The following SEC14L3 variants were observed in gnomAD, a reference collection of about 807,000 sequenced individuals.
SEC14L3 encodes SEC14-like protein 3.
SEC14L3 carries 56 observed loss-of-function variants against 57.4 expected under a neutral mutation model. The observed-to-expected ratio is 0.97, with a 90% CI of 0.79 to 1.22. The LOEUF is 1.22. Ranked by LOEUF, SEC14L3 falls within the 50% of genes most tolerant of loss-of-function variation. The probability of loss-of-function intolerance (pLI) is 0.00; values close to 1 mark genes in which losing one functional copy is unlikely to be tolerated. For missense variants in SEC14L3, 485 were observed against 511.7 expected (o/e 0.95, Z 0.50); for synonymous variants, 173 against 194.4 (o/e 0.89, Z 0.92).
intron 8 of SEC14L3, among the ~76,000 whole-genome samples, chr22:30,463,375 G>C (rs776436268): frequency 6.6e-6 from 1 of 152,212 alleles, no homozygotes; most frequent in Non-Finnish European, 1.5e-5. Flanking sequence ...GCCATGGGAG[G>C]TTCCTTCTCT....
intron 4 of SEC14L3, among the ~76,000 whole-genome samples, chr22:30,469,625 G>C (rs577618312): frequency 9.2e-5 from 14 of 152,190 alleles, no homozygotes; most frequent in Admixed American, 2.0e-4. Context: ...AATGCCTTAG[G>C]GGGCAGGGGT....
At chr22:30,469,755 G>T (rs1170600718) in intron 4 of SEC14L3, among the ~76,000 whole-genome samples, 1 of 152,234 alleles carries the variant, frequency 6.6e-6, no homozygotes, top group East Asian at 1.9e-4. Flanking sequence ...CCTAATTTTT[G>T]CTGGGCTTCA....
intron 1 of SEC14L3, chr22:30,471,266 C>T: frequency 2.2e-6 from 1 of 454,964 alleles, no homozygotes; most frequent in Admixed American, 2.4e-5. Context: ...GCCTGGATGA[C>T]AGAGACTCCA....
intron 8 of SEC14L3, among the ~76,000 whole-genome samples, chr22:30,462,522 T>G (rs1452148336): frequency 6.6e-6 from 1 of 152,112 alleles, no homozygotes; most frequent in Non-Finnish European, 1.5e-5. Context: ...TCCTCCCACC[T>G]CAGCCTCCTG....
Position 30,464,829 on chromosome 22 carries a change from C to G in SEC14L3, c.655G>C (p.Val219Leu), listed in dbSNP as rs966405402. 1.9e-6 allele frequency: 3 copies of G among 1,613,688 alleles called. No homozygotes were observed. Among genetic ancestry groups the G allele is most frequent in the Non-Finnish European group, 2.5e-6 (3 of 1,179,728 alleles). ...LSEDTRRKII[V>L]LGNNWKEGLL... ...AGCTGGCACTACTTACTTCCCAACA[C>G]AATAATTTTCCTGCGAGTGTCCTCA... Residue 219 changes from valine (V) to leucine (L), a missense_variant, in exon 8 of 12, where the codon GTG becomes CTG. Val to Leu is a conservative substitution (Grantham distance 32). Transcript: ENST00000215812.
rs1204373232 is a variant in SEC14L3, at chr22:30,464,840, C to A, written c.644G>T (p.Arg215Met). Reference sequence around the variant, plus strand: ...CTTACTTCCCAACACAATAATTTTCCTGCGAGTGTCCTCACTCAGGAATGG... The same window carrying A: ...CTTACTTCCCAACACAATAATTTTCATGCGAGTGTCCTCACTCAGGAATGG... ...MKPFLSEDTR[R>M]KIIVLGNNWK... Residue 215 changes from arginine (R) to methionine (M), a missense_variant, in exon 8 of 12, where the codon AGG becomes ATG. Transcript: ENST00000215812. 1 of 1,614,140 alleles carries A rather than the reference C, an allele frequency of 6.2e-7. No individual in the cohort carries two copies. The highest frequency in any genetic ancestry group is 8.5e-7 in the Non-Finnish European group (1 of 1,180,008).
At chr22:30,461,834 G>C in intron 9 of SEC14L3, 140 bp from the exon 10 acceptor site, 2 of 1,262,038 alleles carry the variant, frequency 1.6e-6, no homozygotes, top group Non-Finnish European at 2.2e-6. Flanking sequence ...AGCCTTCTAT[G>C]ACCCTCCAAA....
At chr22:30,449,391 A>AT in intron 12 of SEC14L3, 1 of 1,218,014 alleles carries the variant, frequency 8.2e-7, no homozygotes, top group Non-Finnish European at 1.1e-6. Flanking sequence ...ATAGAATGAC[A>AT]TTATACAATA....
intron 5 of SEC14L3, among the ~76,000 whole-genome samples, chr22:30,467,858 C>A (rs187312294): frequency 4.6e-5 from 7 of 152,330 alleles, no homozygotes; most frequent in African/African-American, 1.7e-4. Flanking sequence ...TATTTCATTT[C>A]ACTTTTGCAA....
chr22:30,457,380 T>C (rs1233001580), downstream of SEC14L3, among the ~76,000 whole-genome samples: 7 of 15,096 alleles, frequency 4.6e-4, no homozygotes, highest in African/African-American at 5.8e-3. Context: ...AGTATGTCTT[T>C]TTTTTTTTTT....
chr22:30,463,140 G>A (rs7286703), intron 8 of SEC14L3, among the ~76,000 whole-genome samples: 2,496 of 152,336 alleles, frequency 0.016, 43 homozygotes, highest in Middle Eastern at 0.041. Context: ...GCCTTGTTGG[G>A]ATCACTCTGT....
At chr22:30,452,706 T>C (rs541193953) in intron 12 of SEC14L3, among the ~76,000 whole-genome samples, 2 of 142,148 alleles carry the variant, frequency 1.4e-5, no homozygotes, top group East Asian at 4.0e-4. Flanking sequence ...TTCCTCTTTC[T>C]TTCTTTCTTT....
chr22:30,463,453 GC>G (rs1935328949), intron 8 of SEC14L3, among the ~76,000 whole-genome samples: 1 of 152,216 alleles, frequency 6.6e-6, no homozygotes, highest in African/African-American at 2.4e-5. Flanking sequence ...GTCACATGGG[GC>G]AGAGGCTGTG....
intron 7 of SEC14L3, 36 bp downstream of exon 7, chr22:30,466,298 C>T (rs745577698): frequency 6.3e-7 from 1 of 1,592,542 alleles, no homozygotes; most frequent in South Asian, 1.1e-5. Context: ...GATGAGGAAA[C>T]AGAGGCACAA....
intron 11 of SEC14L3, among the ~76,000 whole-genome samples, chr22:30,460,474 C>T (rs1039825870): frequency 5.9e-5 from 9 of 152,192 alleles, no homozygotes; most frequent in African/African-American, 2.2e-4. Flanking sequence ...TCCCAGCCCC[C>T]TTGGATGAAG....
chr22:30,449,149 C>A, exon 13 of SEC14L3: 1 of 1,550,548 alleles, frequency 6.4e-7, no homozygotes, highest in Non-Finnish European at 8.7e-7. Context: ...ATTTGGTATG[C>A]CATCACTTGC....
chr22:30,460,319 T>C (rs570370272), intron 11 of SEC14L3, 177 bp from the exon 12 acceptor site: 1 of 973,808 alleles, frequency 1.0e-6, no homozygotes, highest in East Asian at 1.1e-4. Context: ...GCAGGTCCTG[T>C]AAACAGACAC....
At chr22:30,460,276 C>T in intron 11 of SEC14L3, 134 bp from the exon 12 acceptor site, 1 of 1,485,794 alleles carries the variant, frequency 6.7e-7, no homozygotes, top group Admixed American at 2.2e-5. Context: ...CCCACCACGC[C>T]TCTTCCCTTC....
chr22:30,450,782 C>T (rs1934965954), intron 12 of SEC14L3, among the ~76,000 whole-genome samples: 1 of 152,146 alleles, frequency 6.6e-6, no homozygotes, highest in South Asian at 2.1e-4. Flanking sequence ...AAATGGAAGG[C>T]CTTGGCTGAC....
Sources: allele counts gnomAD v4.1 joint callset (sites outside exome capture counted in the v4.1 genomes callset), GRCh38; gene constraint gnomAD v4.1.1; transcripts MANE v1.5; gene names NCBI Gene and HGNC (gene_info 2026-07-23, HGNC 2026-07-21).